Variants in GP5 observed in about 807,000 individuals in gnomAD.
GP5 encodes platelet glycoprotein V.
For synonymous variants in GP5, 382 were observed against 353.9 expected (o/e 1.08, Z -0.89); for missense variants, 755 against 737.1 (o/e 1.02, Z -0.28).
chr3:194,396,607 A>G lies in GP5; in HGVS notation c.1676T>C (p.Leu559Pro), dbSNP rs756902646. ...LFRKLIRERA[L>P]G ...GAAGATTTTCCCATTGGTTTACCCA[A>G]GGGCTCTCTCTCTGATTAATTTTCG... is the stretch of plus-strand genomic sequence containing the variant. The change falls in exon 2 of 2, where the codon CTT (leucine) becomes CCT (proline). Residue 559 changes from leucine to proline, a missense_variant. Leu to Pro is a moderately conservative substitution (Grantham distance 98). Coordinates refer to ENST00000692618, the MANE Select transcript of GP5 (RefSeq NM_004488.2). The G allele has an allele frequency of 6.2e-7, 1 of 1,609,046 alleles. No homozygotes were observed. The highest frequency in any genetic ancestry group is 1.7e-5 in the Admixed American group (1 of 59,610).
chr3:194,397,595 T>C lies in GP5; in HGVS notation c.688A>G (p.Ile230Val), dbSNP rs762994127. ...AAGGCCCCGGGTGCGATGGAACGGATGTGATTTCGGTGGAACTGCAGCTCC... is the reference window on the plus strand; with the variant it reads ...AAGGCCCCGGGTGCGATGGAACGGACGTGATTTCGGTGGAACTGCAGCTCC... ...LTELQFHRNH[I>V]RSIAPGAFDR... Residue 230 changes from isoleucine (I) to valine (V), a missense_variant, in exon 2 of 2, where the codon ATC becomes GTC. Physicochemically the swap from Ile to Val is conservative, Grantham distance 29. Transcript: ENST00000692618. This position sits in a 1 kb window ranked among gnomAD's most constrained non-coding sequence, Gnocchi z 7.2. The C allele has an allele frequency of 1.9e-6, 3 of 1,614,098 alleles. No individual in the cohort carries two copies. Among genetic ancestry groups the C allele is most frequent in the East Asian group, 2.2e-5 (1 of 44,866 alleles).
Position 194,396,710 on chromosome 3 carries a change from A to G in GP5, c.1573T>C (p.Tyr525His). Residue 525 changes from tyrosine to histidine, a missense_variant, in exon 2 of 2, where the codon TAT becomes CAT. Coordinates refer to ENST00000692618, the MANE Select transcript of GP5 (RefSeq NM_004488.2). ...GQDHSPFWGF[Y>H]FLLLAVQAMI... ...GCCTGAACAGCTAAAAGCAGAAAATAAAACCCCCAGAACGGACTATGATCT... is the reference window on the plus strand; with the variant it reads ...GCCTGAACAGCTAAAAGCAGAAAATGAAACCCCCAGAACGGACTATGATCT... The G allele has an allele frequency of 6.2e-7, 1 of 1,614,212 alleles. No homozygotes were observed. The highest frequency in any genetic ancestry group is 8.5e-7 in the Non-Finnish European group (1 of 1,180,014).
Position 194,394,942 on chromosome 3 carries a change from T to C in GP5, c.*1658A>G, listed in dbSNP as rs776578905. ...CTGAGAAAGTTCGGACTTACCCTTATACACAGAGAAAAATACCAACTCAAA... is the reference window on the plus strand; with the variant it reads ...CTGAGAAAGTTCGGACTTACCCTTACACACAGAGAAAAATACCAACTCAAA... On this transcript the variant is annotated 3_prime_UTR_variant, in exon 2 of 2. Transcript: ENST00000692618. 5.3e-5 allele frequency: 8 copies of C among 152,252 alleles called. No individual in the cohort carries two copies. The highest frequency in any genetic ancestry group is 1.0e-4 in the Non-Finnish European group (7 of 68,048). The allele number at this position is 152,252 out of a possible 1,614,324, so 9.4% of individuals were successfully genotyped here.
At position 194,398,151 on chromosome 3, in the gene GP5, G is replaced by T. The variant is rs188238078; in HGVS notation, c.132C>A (p.Ser44=). 6.2e-7 allele frequency: 1 copy of T among 1,612,960 alleles called. No homozygotes were observed. The change falls in exon 2 of 2, where the codon TCC becomes TCA. Residue 44 remains serine (S), a synonymous_variant. Coordinates refer to ENST00000692618, the MANE Select transcript of GP5 (RefSeq NM_004488.2). ...QCSGGDVARI[S]ALGLPTNLTH... ...TGAGGTTGGTGGGCAGGCCTAGCGCGGAGATGCGCGCCACGTCGCCCCCCG... is the reference window on the plus strand; with the variant it reads ...TGAGGTTGGTGGGCAGGCCTAGCGCTGAGATGCGCGCCACGTCGCCCCCCG...
chr3:194,397,324 C>A lies in GP5; in HGVS notation c.959G>T (p.Gly320Val). Residue 320 changes from glycine (G) to valine (V), a missense_variant, in exon 2 of 2, where the codon GGG (glycine) becomes GTG (valine). Transcript: ENST00000692618. The surrounding 1 kb of genome is among the most constrained non-coding windows in gnomAD (Gnocchi z 7.2). ...GCTCAGCCGCGGGCTCAGAGTCACC[C>A]CTAAGTACCGCAGGCGGCTCAGGTT... Reference protein sequence around the residue: ...FRNLSRLRYLGVTLSPRLSAL... With the variant: ...FRNLSRLRYLVVTLSPRLSAL... 1 of 1,595,742 alleles carries A rather than the reference C, an allele frequency of 6.3e-7. No homozygotes were observed. The highest frequency in any genetic ancestry group is 2.2e-5 in the East Asian group (1 of 44,724).
In GP5 at chr3:194,398,024, A is replaced by G; in HGVS notation, c.259T>C (p.Ser87Pro). 6.2e-7 allele frequency: 1 copy of G among 1,614,166 alleles called. No homozygotes were observed. The highest frequency in any genetic ancestry group is 8.5e-7 in the Non-Finnish European group (1 of 1,180,016). ...CTGAAGGTGCCGGGGGCAACGGCGG[A>G]AATGTGGCTGTCGGAGATCATGAGG... Reference protein sequence around the residue: ...QRLMISDSHISAVAPGTFSDL... With the variant: ...QRLMISDSHIPAVAPGTFSDL... The change falls in exon 2 of 2, where the codon TCC (serine) becomes CCC (proline). Residue 87 changes from serine (S) to proline (P), a missense_variant. Physicochemically the swap from Ser to Pro is moderately conservative, Grantham distance 74. Transcript: ENST00000692618.
Position 194,395,924 on chromosome 3 carries a change from C to T in GP5, c.*676G>A, listed in dbSNP as rs1714439199. ...GGGTGTAGTGGCACACGCCTCTAAT[C>T]CCAGCTACTCAGAACGCTGAGGCAT... On this transcript the variant is annotated 3_prime_UTR_variant, in exon 2 of 2. Transcript: ENST00000692618. 2 of 152,340 alleles carry T rather than the reference C, an allele frequency of 1.3e-5. No homozygotes were observed. Among genetic ancestry groups the T allele is most frequent in the African/African-American group, 4.8e-5 (2 of 41,466 alleles). The allele number at this position is 152,340 out of a possible 1,614,324, so 9.4% of individuals were successfully genotyped here.
chr3:194,396,558 A>C lies in GP5; in HGVS notation c.*42T>G. ...GGGTCTGGATTCCCCTCCGAGCCAC[A>C]TCTGGTCAGGTTCTAAGTAATTAGA... On this transcript the variant is annotated 3_prime_UTR_variant, in exon 2 of 2. Transcript: ENST00000692618. 1 of 1,532,212 alleles carries C rather than the reference A, an allele frequency of 6.5e-7. No homozygotes were observed. Among genetic ancestry groups the C allele is most frequent in the Admixed American group, 1.8e-5 (1 of 54,896 alleles). 94.9% of individuals were successfully genotyped at this position (1,532,212 alleles called of 1,614,324 possible).
rs536435403 is a variant in GP5, at chr3:194,396,499, G to T, written c.*101C>A. 12 of 850,966 alleles carry T rather than the reference G, an allele frequency of 1.4e-5. No individual in the cohort carries two copies. The African/African-American group carries it at 1.7e-4, about 12-fold the overall frequency. The allele number at this position is 850,966 out of a possible 1,614,324, so 52.7% of individuals were successfully genotyped here. On this transcript the variant is annotated 3_prime_UTR_variant, in exon 2 of 2. Transcript: ENST00000692618. ...GAGAGAGAAGAGGAAGAAGAGAGGAGGAGTGGGGAGGGGAGGGAGAGCAAG... is the reference window on the plus strand; with the variant it reads ...GAGAGAGAAGAGGAAGAAGAGAGGATGAGTGGGGAGGGGAGGGAGAGCAAG...
rs754105338 is a variant in GP5 at position 194,396,580 on chromosome 3, TAGA to T, written c.*17_*19del. On this transcript the variant is annotated 3_prime_UTR_variant, in exon 2 of 2. Transcript: ENST00000692618. ...CACATCTGGTCAGGTTCTAAGTAAT[TAGA>T]AGATTTTCCCATTGGTTTACCCAAG... The T allele has an allele frequency of 3.2e-6, 5 of 1,580,416 alleles. No individual in the cohort carries two copies. The highest frequency in any genetic ancestry group is 2.3e-5 in the East Asian group (1 of 44,194).
chr3:194,398,484 G>A (rs1714529079), intron 1 of GP5, 200 bp from the exon 2 acceptor site: 2 of 559,826 alleles, frequency 3.6e-6, no homozygotes, highest in South Asian at 6.2e-5. Context: ...TTGCTTTATT[G>A]ATTTTCCACT....
Position 194,397,999 on chromosome 3 carries a change from C to T in GP5, c.284G>A (p.Ser95Asn), listed in dbSNP as rs772732114. The T allele has an allele frequency of 1.2e-6, 2 of 1,614,190 alleles. No individual in the cohort carries two copies. Among genetic ancestry groups the T allele is most frequent in the Non-Finnish European group, 1.7e-6 (2 of 1,180,018 alleles). The change falls in exon 2 of 2, where the codon AGT (serine) becomes AAT (asparagine). Residue 95 changes from serine to asparagine, a missense_variant. Physicochemically the swap from Ser to Asn is conservative, Grantham distance 46. Transcript: ENST00000692618. This position sits in a 1 kb window ranked among gnomAD's most constrained non-coding sequence, Gnocchi z 7.2. The stretch of plus-strand genomic sequence containing the variant: ...CAGGGTTTTCAGTTTTATCAGGTCA[C>T]TGAAGGTGCCGGGGGCAACGGCGGA... ...HISAVAPGTF[S>N]DLIKLKTLRL...
rs1010762427 is a variant in GP5, at chr3:194,395,654, C to G, written c.*946G>C. The G allele has an allele frequency of 5.3e-5, 8 of 152,178 alleles. No individual in the cohort carries two copies. The highest frequency in any genetic ancestry group is 1.0e-4 in the Non-Finnish European group (7 of 68,064). The allele number at this position is 152,178 out of a possible 1,614,324, so 9.4% of individuals were successfully genotyped here. ...GGAGTCCAGTGCTCTCCCAAGTAGC[C>G]CATAGGTCAGAGAGACATAAAGTGA... On this transcript the variant is annotated 3_prime_UTR_variant, in exon 2 of 2. Coordinates refer to ENST00000692618, the MANE Select transcript of GP5 (RefSeq NM_004488.2).
At position 194,397,468 on chromosome 3, in the gene GP5, G is replaced by A. The variant is rs564790004; in HGVS notation, c.815C>T (p.Thr272Ile). ...FLHSHNLTLLTLFENPLAELP... is the reference protein window; with the variant it reads ...FLHSHNLTLLILFENPLAELP... Reference sequence around the variant, plus strand: ...CTCTGCCAGCGGGTTCTCGAACAGAGTCAACAGAGTCAGATTGTGCGAATG... The same window carrying A: ...CTCTGCCAGCGGGTTCTCGAACAGAATCAACAGAGTCAGATTGTGCGAATG... The change falls in exon 2 of 2, where the codon ACT (threonine) becomes ATT (isoleucine). Residue 272 changes from threonine to isoleucine, a missense_variant. By Grantham distance (89) the Thr-to-Ile change is moderately conservative (BLOSUM62 -1). Coordinates refer to ENST00000692618, the MANE Select transcript of GP5 (RefSeq NM_004488.2). This position sits in a 1 kb window ranked among gnomAD's most constrained non-coding sequence, Gnocchi z 7.2. 1.2e-6 allele frequency: 2 copies of A among 1,613,740 alleles called. No individual in the cohort carries two copies. The highest frequency in any genetic ancestry group is 1.7e-5 in the Admixed American group (1 of 60,016).
In GP5 at chr3:194,397,102, A is replaced by G; in HGVS notation, c.1181T>C (p.Leu394Pro). The G allele has an allele frequency of 1.9e-6, 3 of 1,593,392 alleles. No individual in the cohort carries two copies. Among genetic ancestry groups the G allele is most frequent in the Non-Finnish European group, 1.7e-6 (2 of 1,177,574 alleles). The change falls in exon 2 of 2, where the codon CTC (leucine) becomes CCC (proline). Residue 394 changes from leucine (L) to proline (P), a missense_variant. By Grantham distance (98) the Leu-to-Pro change is moderately conservative. Coordinates refer to ENST00000692618, the MANE Select transcript of GP5 (RefSeq NM_004488.2). This position sits in a 1 kb window ranked among gnomAD's most constrained non-coding sequence, Gnocchi z 7.2. The stretch of plus-strand genomic sequence containing the variant: ...CAGGGTCTCCAGCTGGTTGTGGTCG[A>G]GCTGGACGCTCTCCAGGCTGCTGAG... ...RNLSSLESVQLDHNQLETLPG... is the reference protein window; with the variant it reads ...RNLSSLESVQPDHNQLETLPG...
Position 194,396,249 on chromosome 3 carries a change from C to A in GP5, c.*351G>T. On this transcript the variant is annotated 3_prime_UTR_variant, in exon 2 of 2. Transcript: ENST00000692618. ...GCCCCTCTCTCCACCAGACGCCAAG[C>A]CAGGCACAGCGGAGCACGGATGGGT... The A allele has an allele frequency of 4.7e-6, 1 of 211,878 alleles. No individual in the cohort carries two copies. The highest frequency in any genetic ancestry group is 1.0e-4 in the East Asian group (1 of 9,542). The allele number at this position is 211,878 out of a possible 1,614,324, so 13.1% of individuals were successfully genotyped here. A position where few individuals can be genotyped will look rare whatever the true frequency, so the allele number is the denominator to read the frequency against.
At chr3:194,398,467 C>T (rs1714527330) in intron 1 of GP5, 183 bp from the exon 2 acceptor site, 4 of 587,740 alleles carry the variant, frequency 6.8e-6, no homozygotes, top group Non-Finnish European at 1.2e-5. Flanking sequence ...TGCGTGGCCT[C>T]ATGCTTTTGC....
In GP5 at chr3:194,397,813, T is replaced by G; in HGVS notation, c.470A>C (p.Gln157Pro). Residue 157 changes from glutamine to proline, a missense_variant, in exon 2 of 2, where the codon CAG becomes CCG. Gln to Pro is a moderately conservative substitution (Grantham distance 76). Transcript: ENST00000692618. This position sits in a 1 kb window ranked among gnomAD's most constrained non-coding sequence, Gnocchi z 7.2. ...GAGACTGGCAGGAAGGAAATCGAGC[T>G]GATTCTGGTTCAGAGCGAGCTCCTG... is the stretch of plus-strand genomic sequence containing the variant. ...NLQELALNQNQLDFLPASLFT... is the reference protein window; with the variant it reads ...NLQELALNQNPLDFLPASLFT... The G allele has an allele frequency of 6.2e-7, 1 of 1,614,158 alleles. No homozygotes were observed. The highest frequency in any genetic ancestry group is 8.5e-7 in the Non-Finnish European group (1 of 1,180,012).
rs145597337 is a variant in GP5, at chr3:194,398,112, G to A, written c.171C>T (p.Leu57=). 3.1e-6 allele frequency: 5 copies of A among 1,613,672 alleles called. No homozygotes were observed. The South Asian group carries it at 3.3e-5, about 11-fold the overall frequency. ...GLPTNLTHIL[L]FGMGRGVLQS... ...GCAGGACGCCGCGGCCCATTCCGAA[G>A]AGCAGGATGTGCGTGAGGTTGGTGG... Residue 57 remains leucine, a synonymous_variant, in exon 2 of 2, where the codon CTC becomes CTT. Transcript: ENST00000692618.
Sources: gnomAD v4.1 joint callset for allele counts on GRCh38, gnomAD v4.1.1 for gene constraint, Gnocchi (gnomAD v3.1) non-coding constraint, MANE v1.5 for transcripts, NCBI Gene and HGNC (gene_info 2026-07-23, HGNC 2026-07-21) for gene names.